Variants in EP300 observed in about 807,000 individuals in gnomAD.
The protein encoded by EP300 is EP300 lysine acetyltransferase, also known as histone acetyltransferase p300.
A neutral mutation model predicts 264.0 loss-of-function variants in EP300; 31 were observed. That is an observed-to-expected ratio of 0.12 (90% CI 0.09 to 0.16). The LOEUF (loss-of-function observed/expected upper bound fraction) is 0.16. Among genes scored for constraint, EP300 ranks in the 10% least tolerant of loss-of-function variants. EP300 has a pLI of 1.00. For synonymous variants in EP300, 1,340 were observed against 1,045.4 expected (o/e 1.28, Z -5.44); for missense variants, 2,766 against 3,052.9 (o/e 0.91, Z 2.21).
intron 15 of EP300, 22 bp from the exon 16 acceptor site, chr22:41,152,184 A>C (rs1311094196): frequency 6.2e-7 from 1 of 1,613,482 alleles, no homozygotes; most frequent in East Asian, 2.2e-5. Flanking sequence ...GGAATACTAA[A>C]AATTCTTACG....
In EP300 at chr22:41,092,939, C is replaced by G. The variant is rs888701019; in HGVS notation, c.-66C>G. The G allele has an allele frequency of 6.3e-7, 1 of 1,590,692 alleles. No individual in the cohort carries two copies. Among genetic ancestry groups the G allele is most frequent in the Non-Finnish European group, 8.6e-7 (1 of 1,159,670 alleles). ...ACCCCTGGGTGCGGCGCGGGGACCC[C>G]GGGCCGAAGAAGAGATTTCCTGAGG... On this transcript the variant is annotated 5_prime_UTR_variant, in exon 1 of 31. Coordinates refer to ENST00000263253, the MANE Select transcript of EP300 (RefSeq NM_001429.4).
At chr22:41,135,058 C>T (rs559380180) in intron 6 of EP300, among the ~76,000 whole-genome samples, 1 of 152,064 alleles carries the variant, frequency 6.6e-6, no homozygotes, top group Admixed American at 6.6e-5. Flanking sequence ...AGGCGCACAC[C>T]ACCACCTTTT....
chr22:41,131,696 C>T, intron 6 of EP300, 63 bp downstream of exon 6: 3 of 1,608,894 alleles, frequency 1.9e-6, no homozygotes, highest in South Asian at 1.1e-5. Flanking sequence ...TCTATAAACA[C>T]AGTGTTGTTA....
In EP300 at chr22:41,140,898, A is replaced by G. The variant is rs12330117; in HGVS notation, c.1879-150A>G. ...GTTCACGGTAGTTCAGATTCTCTAC[A>G]TAAGTTGAACTTTCCTTTCTAAATT... On this transcript the variant is annotated intron_variant, in intron 9 of 30. Transcript: ENST00000263253. 3,873 of 705,742 alleles carry G rather than the reference A, an allele frequency of 5.5e-3. 110 individuals are homozygous for G. In the African/African-American group the frequency reaches 0.062, roughly 11 times the overall value. 43.7% of individuals were successfully genotyped at this position (705,742 alleles called of 1,614,324 possible).
intron 12 of EP300, among the ~76,000 whole-genome samples, chr22:41,148,165 T>G (rs2059023290): frequency 6.6e-6 from 1 of 152,154 alleles, no homozygotes; most frequent in Non-Finnish European, 1.5e-5. Context: ...CCTGCATGCG[T>G]TTTCACGGTC....
At chr22:41,109,407 A>T (rs542968516) in intron 1 of EP300, among the ~76,000 whole-genome samples, 1 of 152,184 alleles carries the variant, frequency 6.6e-6, no homozygotes, top group Non-Finnish European at 1.5e-5. Flanking sequence ...AACTCTGTAC[A>T]TGTGATGTGA....
At chr22:41,097,424 T>C (rs1414499039) in intron 1 of EP300, among the ~76,000 whole-genome samples, 2 of 151,724 alleles carry the variant, frequency 1.3e-5, no homozygotes, top group African/African-American at 4.9e-5. Flanking sequence ...TGTTTTTCTT[T>C]GCTTTTCTCT....
At position 41,177,088 on chromosome 22, in the gene EP300, G is replaced by T; in HGVS notation, c.5377G>T (p.Ala1793Ser). Residue 1793 changes from alanine to serine, a missense_variant, in exon 31 of 31, where the codon GCC becomes TCC. Physicochemically the swap from Ala to Ser is moderately conservative, Grantham distance 99. Coordinates refer to ENST00000263253, the MANE Select transcript of EP300 (RefSeq NM_001429.4). ...GCTCATTGCCCTCTGCTGCTACCATGCCAAGCACTGCCAGGAGAACAAATG... is the reference window on the plus strand; with the variant it reads ...GCTCATTGCCCTCTGCTGCTACCATTCCAAGCACTGCCAGGAGAACAAATG... The part of the protein sequence containing the change: ...KQLIALCCYH[A>S]KHCQENKCPV... 3 of 1,614,114 alleles carry T rather than the reference G, an allele frequency of 1.9e-6. No individual in the cohort carries two copies. The highest frequency in any genetic ancestry group is 2.5e-6 in the Non-Finnish European group (3 of 1,180,006).
At chr22:41,153,928 A>C (rs1320368498) in intron 16 of EP300, among the ~76,000 whole-genome samples, 1 of 152,132 alleles carries the variant, frequency 6.6e-6, no homozygotes, top group Non-Finnish European at 1.5e-5. Flanking sequence ...CCGATGATGA[A>C]ATTTTTTTTG....
rs869304891 is a variant in EP300 at position 41,154,376 on chromosome 22, CTTTT to C, written c.3143-599_3143-596del. Among the ~76,000 whole-genome samples, 139 of 61,788 alleles carry C rather than the reference CTTTT, an allele frequency of 2.2e-3. 1 individual carries two copies. Among genetic ancestry groups the C allele is most frequent in the African/African-American group, 7.2e-3 (116 of 16,160 alleles). 40.5% of individuals were successfully genotyped at this position (61,788 alleles called of 152,430 possible). ...TCTTAACACGAGTATCTTGTGCACT[CTTTT>C]TTTTTTTTTTTTTTTTTTTGAGATG... On this transcript the variant is annotated intron_variant, in intron 16 of 30. Transcript: ENST00000263253.
intron 12 of EP300, among the ~76,000 whole-genome samples, chr22:41,148,190 A>T (rs2059023432): frequency 6.6e-6 from 1 of 152,042 alleles, no homozygotes; most frequent in African/African-American, 2.4e-5. Flanking sequence ...CTCTTCCCTG[A>T]TGTCTGTCTT....
At chr22:41,098,302 C>T (rs1172266223) in intron 1 of EP300, among the ~76,000 whole-genome samples, 3 of 152,180 alleles carry the variant, frequency 2.0e-5, no homozygotes, top group Non-Finnish European at 4.4e-5. Flanking sequence ...TGTTAAGCCT[C>T]TTCTGAGCAA....
intron 23 of EP300, among the ~76,000 whole-genome samples, chr22:41,167,635 T>A (rs1392021966): frequency 1.9e-4 from 21 of 108,044 alleles, no homozygotes; most frequent in Admixed American, 5.0e-4. Context: ...TATATATATA[T>A]AATGTTTGGT....
In EP300 at chr22:41,135,797, T is replaced by C. The variant is rs1343155056; in HGVS notation, c.1529-16T>C. On this transcript the variant is annotated splice_polypyrimidine_tract_variant and intron_variant, in intron 6 of 30. Transcript: ENST00000263253. ...TTGTATTTATTTCTGTCTCCTGTTA[T>C]TTCATTTTGACTTAGGTGCTAGTCC... 2.7e-5 allele frequency: 42 copies of C among 1,577,948 alleles called. No homozygotes were observed. The highest frequency in any genetic ancestry group is 3.1e-5 in the Non-Finnish European group (36 of 1,147,044).
chr22:41,153,443 C>T (rs932378866), intron 16 of EP300, among the ~76,000 whole-genome samples: 5 of 152,130 alleles, frequency 3.3e-5, no homozygotes, highest in Non-Finnish European at 7.4e-5. Context: ...GTAACAAACC[C>T]AGTCTTACTA....
At position 41,137,658 on chromosome 22, in the gene EP300, T is replaced by A; in HGVS notation, c.1628T>A (p.Met543Lys). ...LHSAINSQNP[M>K]MSENASVPSL... ...TTGGTGACCCCTTTTTGAAGCCCAA[T>A]GATGAGTGAAAATGCCAGTGTGCCC... The change falls in exon 8 of 31, where the codon ATG becomes AAG. Residue 543 changes from methionine to lysine, a missense_variant. By Grantham distance (95) the Met-to-Lys change is moderately conservative. Transcript: ENST00000263253. 1 of 1,614,142 alleles carries A rather than the reference T, an allele frequency of 6.2e-7. No individual in the cohort carries two copies. The highest frequency in any genetic ancestry group is 1.1e-5 in the South Asian group (1 of 91,086).
chr22:41,105,265 G>A (rs966082291), intron 1 of EP300, among the ~76,000 whole-genome samples: 1 of 150,682 alleles, frequency 6.6e-6, no homozygotes, highest in African/African-American at 2.4e-5. Flanking sequence ...CTACTCGGGA[G>A]GCTGAGGCAA....
Position 41,160,666 on chromosome 22 carries a change from C to G in EP300, c.3615C>G (p.Phe1205Leu), listed in dbSNP as rs587778255. 14 of 1,613,938 alleles carry G rather than the reference C, an allele frequency of 8.7e-6. No individual in the cohort carries two copies. Among genetic ancestry groups the G allele is most frequent in the Non-Finnish European group, 1.2e-5 (14 of 1,179,988 alleles). Residue 1205 changes from phenylalanine to leucine, a missense_variant, in exon 20 of 31, where the codon TTC (phenylalanine) becomes TTG (leucine). Phe to Leu is a conservative substitution (Grantham distance 22). Coordinates refer to ENST00000263253, the MANE Select transcript of EP300 (RefSeq NM_001429.4). ...QNRYHFCEKC[F>L]NEIQGESVSL... ...GGTATCATTTCTGTGAGAAGTGTTTCAATGAGATCCAAGGGGAGAGCGTTT... is the reference window on the plus strand; with the variant it reads ...GGTATCATTTCTGTGAGAAGTGTTTGAATGAGATCCAAGGGGAGAGCGTTT...
intron 27 of EP300, among the ~76,000 whole-genome samples, chr22:41,171,051 T>C (rs1398236305): frequency 1.3e-5 from 2 of 151,726 alleles, no homozygotes; most frequent in African/African-American, 2.4e-5. Flanking sequence ...TTTTATTTTG[T>C]ATATTCAAAA....
Sources: allele counts gnomAD v4.1 joint callset (sites outside exome capture counted in the v4.1 genomes callset), GRCh38; gene constraint gnomAD v4.1.1; transcripts MANE v1.5; gene names NCBI Gene and HGNC (gene_info 2026-07-23, HGNC 2026-07-21).